The following TRIM66 variants were observed in gnomAD, a reference collection of about 807,000 sequenced individuals.
The protein encoded by TRIM66 is tripartite motif containing 66.
A neutral mutation model predicts 148.2 loss-of-function variants in TRIM66; 99 were observed. The ratio of observed to expected loss-of-function variants is 0.67; its 90% CI spans 0.57 to 0.79. The LOEUF is 0.79. Among genes scored for constraint, TRIM66 ranks in the 30% least tolerant of loss-of-function variants. The pLI is 0.00. For synonymous variants in TRIM66, 616 were observed against 635.9 expected (o/e 0.97, Z 0.47); for missense variants, 1,666 against 1,697.9 (o/e 0.98, Z 0.33).
intron 15 of TRIM66, among the ~76,000 whole-genome samples, chr11:8,632,386 T>A (rs1013285569): frequency 2.0e-5 from 3 of 151,252 alleles, no homozygotes; most frequent in Non-Finnish European, 4.4e-5. Flanking sequence ...CAGTAGCAGA[T>A]CTTGAAACAG....
intron 15 of TRIM66, among the ~76,000 whole-genome samples, chr11:8,629,160 G>A (rs1040948937): frequency 2.0e-5 from 3 of 152,136 alleles, no homozygotes; most frequent in Non-Finnish European, 4.4e-5. Context: ...ACATGCCCAG[G>A]CCTGCATTCC....
At chr11:8,646,967 G>T in intron 10 of TRIM66, among the ~76,000 whole-genome samples, 1 of 150,492 alleles carries the variant, frequency 6.6e-6, no homozygotes, top group Non-Finnish European at 1.5e-5. Context: ...GAGGGCCGGG[G>T]GGTGTTGGGG....
At chr11:8,676,008 G>A (rs573150652) in intron 3 of TRIM66, among the ~76,000 whole-genome samples, 1 of 152,202 alleles carries the variant, frequency 6.6e-6, no homozygotes, top group Non-Finnish European at 1.5e-5. Flanking sequence ...AAGATTACAG[G>A]CGTGAGCCAC....
rs955893505 is a variant in TRIM66 at position 8,621,304 on chromosome 11, C to A, written c.3273G>T (p.Leu1091=). The change falls in exon 20 of 25, where the codon CTG becomes CTT. Residue 1091 remains leucine (L), a synonymous_variant. Transcript: ENST00000646038. The stretch of plus-strand genomic sequence containing the variant: ...GACCTGGGGCCTGGGTGGCCTCAGA[C>A]AGTCTGTCCTGGCTGACCTTGGGGA... ...SMSIKVSQDR[L]SEATQAPGLE... 6.4e-7 allele frequency: 1 copy of A among 1,551,398 alleles called. No individual in the cohort carries two copies. The highest frequency in any genetic ancestry group is 8.7e-7 in the Non-Finnish European group (1 of 1,146,826).
rs564452207 is a variant in TRIM66 at position 8,644,931 on chromosome 11, A to C, written c.1104+810T>G. Among the ~76,000 whole-genome samples the C allele has an allele frequency of 1.5e-3, 224 of 152,288 alleles. 1 individual carries two copies. The highest frequency in any genetic ancestry group is 1.8e-3 in the Non-Finnish European group (123 of 68,024). On this transcript the variant is annotated intron_variant, in intron 12 of 24. Transcript: ENST00000646038. ...GTCAAATGGACCACTTAAAATTGGA[A>C]ACTGTTCATTTCTGTGTACCACACT...
chr11:8,661,839 C>T (rs1294697195), intron 6 of TRIM66, among the ~76,000 whole-genome samples: 1 of 152,180 alleles, frequency 6.6e-6, no homozygotes, highest in Non-Finnish European at 1.5e-5. Flanking sequence ...AGAGGCCCCT[C>T]AAAGATCCCA....
intron 1 of TRIM66, 38 bp from the exon 2 acceptor site, chr11:8,680,101 T>G (rs563147441): frequency 2.6e-5 from 4 of 152,372 alleles, no homozygotes; most frequent in African/African-American, 9.6e-5. Flanking sequence ...CCTTAAAGGT[T>G]GAGGAAGATT....
At chr11:8,635,461 G>A (rs186384147) in intron 15 of TRIM66, among the ~76,000 whole-genome samples, 88 of 152,208 alleles carry the variant, frequency 5.8e-4, no homozygotes, top group African/African-American at 2.1e-3. Context: ...CCAGCTCCAA[G>A]GCAACAAATT....
chr11:8,633,122 G>C (rs2035565545), intron 15 of TRIM66, among the ~76,000 whole-genome samples: 1 of 152,126 alleles, frequency 6.6e-6, no homozygotes, highest in South Asian at 2.1e-4. Flanking sequence ...AAGGTATTTT[G>C]CCCAGGCCAG....
At chr11:8,683,092 C>T (rs1377039245), upstream of TRIM66, 80 of 1,205,954 alleles carry the variant, frequency 6.6e-5, no homozygotes, top group East Asian at 1.9e-3. Context: ...TTCCCAAACG[C>T]TCCAGAAGTT....
intron 15 of TRIM66, among the ~76,000 whole-genome samples, chr11:8,634,104 C>T (rs2035660597): frequency 1.3e-5 from 2 of 152,278 alleles, no homozygotes; most frequent in South Asian, 4.1e-4. Flanking sequence ...AAGAAAGGTC[C>T]CTCTTGCAGG....
At chr11:8,681,200 C>T (rs969033662) in intron 1 of TRIM66, among the ~76,000 whole-genome samples, 7 of 150,622 alleles carry the variant, frequency 4.6e-5, no homozygotes, top group Non-Finnish European at 1.5e-5. Flanking sequence ...GTGGCGCGAT[C>T]TCGGTTCACT....
intron 10 of TRIM66, among the ~76,000 whole-genome samples, chr11:8,647,697 A>T (rs1399464712): frequency 1.3e-5 from 2 of 152,072 alleles, no homozygotes; most frequent in Admixed American, 1.3e-4. Flanking sequence ...TCAAGCACCG[A>T]CTTCTGGCTA....
At chr11:8,681,540 T>C (rs1237416158) in intron 1 of TRIM66, among the ~76,000 whole-genome samples, 1 of 152,078 alleles carries the variant, frequency 6.6e-6, no homozygotes, top group Admixed American at 6.5e-5. Context: ...ACTGAGGGGA[T>C]GGGATTTTAA....
At position 8,664,532 on chromosome 11, in the gene TRIM66, A is replaced by G. The variant is rs2038467671; in HGVS notation, c.340+7254T>C. Among the ~76,000 whole-genome samples, 3 of 152,276 alleles carry G rather than the reference A, an allele frequency of 2.0e-5. No homozygotes were observed. The South Asian group carries it at 6.2e-4, about 32-fold the overall frequency. On this transcript the variant is annotated intron_variant, in intron 6 of 24. Coordinates refer to ENST00000646038, the MANE Select transcript of TRIM66 (RefSeq NM_001388022.1). Reference sequence around the variant, plus strand: ...TTTTCATCTATAAAATGGGAATACTAATACCTACTTTATAAGGCTGCTGTG... The same window carrying G: ...TTTTCATCTATAAAATGGGAATACTGATACCTACTTTATAAGGCTGCTGTG...
chr11:8,615,863 G>C lies in TRIM66; in HGVS notation c.*2081C>G, dbSNP rs2033688167. ...CCAATTGCTCCTGAGGAAGGATCAG[G>C]TCTGAGCCTGTCACAACACTCACCA... On this transcript the variant is annotated 3_prime_UTR_variant, in exon 25 of 25. Coordinates refer to ENST00000646038, the MANE Select transcript of TRIM66 (RefSeq NM_001388022.1). The C allele has an allele frequency of 6.6e-6, 1 of 152,214 alleles. No individual in the cohort carries two copies. Among genetic ancestry groups the C allele is most frequent in the Admixed American group, 6.5e-5 (1 of 15,280 alleles). 9.4% of individuals were successfully genotyped at this position (152,214 alleles called of 1,614,324 possible).
Position 8,616,661 on chromosome 11 carries a change from GAACTA to G in TRIM66, c.*1278_*1282del, listed in dbSNP as rs1360471965. The G allele has an allele frequency of 6.6e-6, 1 of 152,226 alleles. No individual in the cohort carries two copies. Among genetic ancestry groups the G allele is most frequent in the Non-Finnish European group, 1.5e-5 (1 of 68,064 alleles). The allele number at this position is 152,226 out of a possible 1,614,324, so 9.4% of individuals were successfully genotyped here. Reference sequence around the variant, plus strand: ...GAATGCTTCTCTCTGCATTCTAGGAGAACTAAGGCTCTGAGGTTGCTTCATGGTCA... The same window carrying G: ...GAATGCTTCTCTCTGCATTCTAGGAGAGGCTCTGAGGTTGCTTCATGGTCA... On this transcript the variant is annotated 3_prime_UTR_variant, in exon 25 of 25. Coordinates refer to ENST00000646038, the MANE Select transcript of TRIM66 (RefSeq NM_001388022.1).
intron 6 of TRIM66, among the ~76,000 whole-genome samples, chr11:8,665,013 C>T (rs982898432): frequency 6.6e-6 from 1 of 152,048 alleles, no homozygotes; most frequent in African/African-American, 2.4e-5. Flanking sequence ...CCCCATGTAG[C>T]GTGGCTCCAT....
rs770522665 is a variant in TRIM66, at chr11:8,620,568, C to G, written c.3550G>C (p.Glu1184Gln). The G allele has an allele frequency of 2.4e-5, 38 of 1,551,624 alleles. No individual in the cohort carries two copies. Among genetic ancestry groups the G allele is most frequent in the African/African-American group, 6.8e-5 (5 of 73,078 alleles). Residue 1184 changes from glutamate (E) to glutamine (Q), a missense_variant, in exon 21 of 25, where the codon GAG (glutamate) becomes CAG (glutamine). Glu to Gln is a conservative substitution (Grantham distance 29). This residue lies in a region of TRIM66 where 31 missense variants were observed against 54.4 expected (regional missense o/e 0.57). Transcript: ENST00000646038. ...VPALLSFPGG[E>Q]WVCTLCRSLT... is the part of the protein sequence containing the mutation. ...CTGCGGCACAAGGTACACACCCACTCTCCCCTGCAGGGGCAGGTGAGGCCA... is the reference window on the plus strand; with the variant it reads ...CTGCGGCACAAGGTACACACCCACTGTCCCCTGCAGGGGCAGGTGAGGCCA...
Sources: gnomAD v4.1 joint callset for allele counts (sites outside exome capture counted in the v4.1 genomes callset) on GRCh38, gnomAD v4.1.1 for gene constraint, gnomAD v4.1.1 regional missense constraint, MANE v1.5 for transcripts, NCBI Gene and HGNC (gene_info 2026-07-23, HGNC 2026-07-21) for gene names.